The following RAB37 variants were observed in gnomAD, a reference collection of about 807,000 sequenced individuals.
RAB37 encodes ras-related protein Rab-37.
RAB37 carries 29 observed loss-of-function variants against 33.1 expected under a neutral mutation model. That is an observed-to-expected ratio of 0.88 (90% confidence interval 0.65 to 1.20). The LOEUF (loss-of-function observed/expected upper bound fraction) is 1.20, where lower values mean the gene tolerates loss of function less well. RAB37 is among the 50% of genes most tolerant of loss of function. The pLI, the probability that RAB37 is intolerant of heterozygous loss-of-function variation, is 0.00. For missense variants in RAB37, 299 were observed against 301.1 expected (o/e 0.99, Z 0.05); for synonymous variants, 128 against 119.5 (o/e 1.07, Z -0.47).
upstream of RAB37, chr17:74,736,660 T>A: frequency 6.5e-7 from 1 of 1,535,522 alleles, no homozygotes; most frequent in Non-Finnish European, 8.7e-7. Context: ...TGAGAGGTGA[T>A]CCATACTAAA....
chr17:74,708,712 C>T lies in RAB37; in HGVS notation c.73-20544C>T, dbSNP rs112334255. Among the ~76,000 whole-genome samples, 341 of 152,178 alleles carry T rather than the reference C, an allele frequency of 2.2e-3. 3 individuals carry two copies. The highest frequency in any genetic ancestry group is 6.9e-3 in the African/African-American group (288 of 41,512). ...CGGGCGGATCAGGAGGTGAGGAGAT[C>T]GAGACCATCCTGGCTAACACGGTGA... On this transcript the variant is annotated intron_variant, in intron 1 of 7. Transcript: ENST00000340415.
At chr17:74,684,488 AT>A (rs1420593336) in intron 1 of RAB37, among the ~76,000 whole-genome samples, 1 of 152,128 alleles carries the variant, frequency 6.6e-6, no homozygotes, top group Non-Finnish European at 1.5e-5. Flanking sequence ...CAAAATACAT[AT>A]CTTAAAAATA....
intron 1 of RAB37, among the ~76,000 whole-genome samples, chr17:74,688,185 T>C (rs770648872): frequency 6.6e-6 from 1 of 152,092 alleles, no homozygotes; most frequent in Non-Finnish European, 1.5e-5. Context: ...AAGAATGCAT[T>C]TGGGCCCATA....
rs117538034 is a variant in RAB37, at chr17:74,705,876, G to A, written c.73-23380G>A. ...TCACAAAGTGTTGGGATTACAGGCG[G>A]GCCCCACAACGCCTGGCCTGTATTT... On this transcript the variant is annotated intron_variant, in intron 1 of 7. Coordinates refer to the RAB37 transcript ENST00000340415. Among the ~76,000 whole-genome samples, 97 of 152,230 alleles carry A rather than the reference G, an allele frequency of 6.4e-4. 2 individuals carry two copies. In the East Asian group the frequency reaches 0.018, roughly 28 times the overall value.
intron 1 of RAB37, among the ~76,000 whole-genome samples, chr17:74,703,442 G>A (rs2033240520): frequency 6.6e-6 from 1 of 152,132 alleles, no homozygotes; most frequent in Non-Finnish European, 1.5e-5. Flanking sequence ...TGCTGCTTAT[G>A]ACAGTGCCTT....
At chr17:74,701,655 G>A (rs2033056102) in intron 1 of RAB37, among the ~76,000 whole-genome samples, 2 of 151,962 alleles carry the variant, frequency 1.3e-5, no homozygotes, top group Non-Finnish European at 2.9e-5. Context: ...GACAGGAGTT[G>A]GAGACCAGCT....
At chr17:74,692,760 A>G (rs943958955) in intron 1 of RAB37, among the ~76,000 whole-genome samples, 5 of 152,122 alleles carry the variant, frequency 3.3e-5, no homozygotes, top group Non-Finnish European at 7.4e-5. Flanking sequence ...GAGTCTGTCC[A>G]CGTCATGCTT....
At chr17:74,678,988 G>A (rs1417519875) in intron 1 of RAB37, among the ~76,000 whole-genome samples, 1 of 151,902 alleles carries the variant, frequency 6.6e-6, no homozygotes, top group Non-Finnish European at 1.5e-5. Flanking sequence ...GCAGGCGCCT[G>A]TAACCCCAGC....
chr17:74,713,260 G>A (rs1043896484), intron 1 of RAB37, among the ~76,000 whole-genome samples: 47 of 150,432 alleles, frequency 3.1e-4, no homozygotes, highest in African/African-American at 6.4e-4. Context: ...AGCCGAGATC[G>A]TGCCACTTGC....
chr17:74,733,489 T>TGGTGG (rs1567811760), upstream of RAB37, among the ~76,000 whole-genome samples: 1 of 129,656 alleles, frequency 7.7e-6, no homozygotes, highest in Admixed American at 8.0e-5. Context: ...GTGAGGTGTG[T>TGGTGG]GGTGTGATTT....
In RAB37 at chr17:74,730,417, G is replaced by A. The variant is rs1274908431; in HGVS notation, c.183+1051G>A. Among the ~76,000 whole-genome samples the A allele has an allele frequency of 3.3e-5, 5 of 152,190 alleles. No individual in the cohort carries two copies. The highest frequency in any genetic ancestry group is 1.2e-4 in the African/African-American group (5 of 41,460). On this transcript the variant is annotated intron_variant, in intron 2 of 7. Coordinates refer to the RAB37 transcript ENST00000340415. This position sits in a 1 kb window ranked among gnomAD's most constrained non-coding sequence, Gnocchi z 4.4. ...AGCCAGGAAGGCAGGGGTTCAGAAT[G>A]AACATGGCTTCTGCATGACCTTCCA...
At chr17:74,674,727 G>A (rs926999770) in intron 1 of RAB37, among the ~76,000 whole-genome samples, 3 of 152,108 alleles carry the variant, frequency 2.0e-5, no homozygotes, top group African/African-American at 7.2e-5. Flanking sequence ...TGAATCTTAT[G>A]TGTCTACCTT....
rs747383910 is a variant in RAB37 at position 74,738,720 on chromosome 17, C to T, written c.93+1355C>T. On this transcript the variant is annotated intron_variant, in intron 1 of 8. Transcript: ENST00000392613. The surrounding 1 kb of genome is among the most constrained non-coding windows in gnomAD (Gnocchi z 5.0). ...CCCCTTCATCTGTTCCCTGGCCAAG[C>T]GGCATTGGCCGGAGAGTTGGTCCCC... 3.9e-5 allele frequency among the ~76,000 whole-genome samples: 6 copies of T among 152,148 alleles called. No individual in the cohort carries two copies. The highest frequency in any genetic ancestry group is 6.5e-5 in the Admixed American group (1 of 15,284).
At chr17:74,690,513 C>A (rs969121203) in intron 1 of RAB37, among the ~76,000 whole-genome samples, 2 of 152,190 alleles carry the variant, frequency 1.3e-5, no homozygotes, top group African/African-American at 4.8e-5. Context: ...TCTGCCTTAG[C>A]AAAGTCATGA....
chr17:74,688,664 A>G (rs2032101783), intron 1 of RAB37, among the ~76,000 whole-genome samples: 1 of 152,318 alleles, frequency 6.6e-6, no homozygotes, highest in Admixed American at 6.5e-5. Flanking sequence ...TTATCTCTAC[A>G]AAAACTAAAC....
chr17:74,709,949 A>T (rs1321021165), intron 1 of RAB37, among the ~76,000 whole-genome samples: 1 of 151,990 alleles, frequency 6.6e-6, no homozygotes, highest in Non-Finnish European at 1.5e-5. Context: ...TTCCCAATAT[A>T]TATAATAACA....
chr17:74,731,778 C>T (rs990801510), intron 2 of RAB37, among the ~76,000 whole-genome samples: 6 of 152,086 alleles, frequency 3.9e-5, no homozygotes, highest in African/African-American at 4.8e-5. Context: ...GAGGCCGAGG[C>T]GGGCGGATCA....
intron 1 of RAB37, among the ~76,000 whole-genome samples, chr17:74,675,042 G>A (rs1299942690): frequency 6.6e-6 from 1 of 152,204 alleles, no homozygotes; most frequent in Admixed American, 6.5e-5. Context: ...AATTTTCTTA[G>A]CTATAAAATA....
At chr17:74,678,195 C>G (rs932002565) in intron 1 of RAB37, among the ~76,000 whole-genome samples, 1 of 152,206 alleles carries the variant, frequency 6.6e-6, no homozygotes, top group African/African-American at 2.4e-5. Context: ...TGTTAACTCA[C>G]TCAGGCAATG....
Sources: gnomAD v4.1 joint callset for allele counts (sites outside exome capture counted in the v4.1 genomes callset) on GRCh38, gnomAD v4.1.1 for gene constraint, Gnocchi (gnomAD v3.1) non-coding constraint, MANE v1.5 for transcripts, NCBI Gene and HGNC (gene_info 2026-07-23, HGNC 2026-07-21) for gene names.